The following RIC1 variants were observed in gnomAD, a reference collection of about 807,000 sequenced individuals.
RIC1 encodes guanine nucleotide exchange factor subunit RIC1.
Under a neutral mutation model 169.0 loss-of-function variants are expected in RIC1, and 88 were observed. That is an observed-to-expected ratio of 0.52 (90% CI 0.44 to 0.62). The LOEUF is 0.62. Ranked by LOEUF, RIC1 falls within the 20% of genes least tolerant of loss-of-function variation. The pLI is 0.00. For missense variants in RIC1, 1,877 were observed against 1,725.5 expected, an observed-to-expected ratio of 1.09 and a Z score of -1.56; for synonymous variants, 790 against 601.5, an observed-to-expected ratio of 1.31 and a Z score of -4.59.
In RIC1 at chr9:5,656,673, AC is replaced by A; in HGVS notation, c.237del (p.Met80Ter). 1 of 1,598,172 alleles carries A rather than the reference AC, an allele frequency of 6.3e-7. No homozygotes were observed. The highest frequency in any genetic ancestry group is 8.6e-7 in the Non-Finnish European group (1 of 1,168,064). ...YKQAEWRPDS[T>X]MIAVSTANGY... ...GCAAGCTGAATGGAGGCCAGATAGTACCATGATAGCTGTATCAGTAAGTAGA... is the reference window on the plus strand; with the variant it reads ...GCAAGCTGAATGGAGGCCAGATAGTACATGATAGCTGTATCAGTAAGTAGA... On this transcript the variant is annotated frameshift_variant, in exon 2 of 26. Transcript: ENST00000414202. LOFTEE classifies it high-confidence loss of function.
intron 14 of RIC1, 69 bp downstream of exon 14, chr9:5,753,715 A>G (rs1041870093): frequency 3.8e-5 from 26 of 692,762 alleles, no homozygotes; most frequent in Non-Finnish European, 5.6e-5. Flanking sequence ...AAATAGCTAT[A>G]AAGTTTATCA....
intron 7 of RIC1, among the ~76,000 whole-genome samples, chr9:5,738,197 T>G (rs1220699741): frequency 6.6e-6 from 1 of 152,192 alleles, no homozygotes; most frequent in Non-Finnish European, 1.5e-5. Context: ...TTTTAAAAAT[T>G]ATCACAATAG....
Position 5,774,317 on chromosome 9 carries a change from T to C in RIC1, c.*71T>C. On this transcript the variant is annotated 3_prime_UTR_variant, in exon 26 of 26. Coordinates refer to ENST00000414202, the MANE Select transcript of RIC1 (RefSeq NM_020829.4). ...TGCAGCTCAGTACGTTGTAACATAGTTGGATGATTTAACAGGAGAACTCAG... is the reference window on the plus strand; with the variant it reads ...TGCAGCTCAGTACGTTGTAACATAGCTGGATGATTTAACAGGAGAACTCAG... 1 of 1,334,412 alleles carries C rather than the reference T, an allele frequency of 7.5e-7. No individual in the cohort carries two copies. Among genetic ancestry groups the C allele is most frequent in the Non-Finnish European group, 1.0e-6 (1 of 981,404 alleles). 82.7% of individuals were successfully genotyped at this position (1,334,412 alleles called of 1,614,324 possible). A position where few individuals can be genotyped will look rare whatever the true frequency, so the allele number is the denominator to read the frequency against.
At chr9:5,675,022 A>G (rs1478875465) in intron 2 of RIC1, among the ~76,000 whole-genome samples, 1 of 152,220 alleles carries the variant, frequency 6.6e-6, no homozygotes, top group Non-Finnish European at 1.5e-5. Flanking sequence ...AAGGCAGTGT[A>G]CTTCTATAGA....
chr9:5,766,717 G>T (rs576489231), intron 21 of RIC1, among the ~76,000 whole-genome samples: 2 of 152,018 alleles, frequency 1.3e-5, no homozygotes, highest in African/African-American at 2.4e-5. Flanking sequence ...TCATATATAC[G>T]TATATACAAG....
At chr9:5,717,930 A>G (rs1354525461) in intron 4 of RIC1, among the ~76,000 whole-genome samples, 1 of 151,830 alleles carries the variant, frequency 6.6e-6, no homozygotes, top group Non-Finnish European at 1.5e-5. Flanking sequence ...ACCTGAGGTC[A>G]GGAGTTCAAG....
chr9:5,665,898 A>G (rs562364441), intron 2 of RIC1, among the ~76,000 whole-genome samples: 12 of 152,272 alleles, frequency 7.9e-5, no homozygotes, highest in African/African-American at 2.6e-4. Flanking sequence ...GGGAGATGTC[A>G]CCCAGTCAGG....
chr9:5,661,759 G>T (rs1240553171), intron 2 of RIC1, among the ~76,000 whole-genome samples: 2 of 152,072 alleles, frequency 1.3e-5, no homozygotes, highest in Admixed American at 1.3e-4. Flanking sequence ...TCTAATATAG[G>T]ATCATGTCAT....
At chr9:5,637,609 C>G (rs1317273374) in intron 1 of RIC1, among the ~76,000 whole-genome samples, 1 of 152,208 alleles carries the variant, frequency 6.6e-6, no homozygotes, top group Non-Finnish European at 1.5e-5. Context: ...CCTATCCCCC[C>G]AGTTACCTTT....
Position 5,704,291 on chromosome 9 carries a change from T to C in RIC1, c.333-9605T>C, listed in dbSNP as rs146918799. Among the ~76,000 whole-genome samples, 1,195 of 151,804 alleles carry C rather than the reference T, an allele frequency of 7.9e-3. 16 individuals carry two copies. Among genetic ancestry groups the C allele is most frequent in the African/African-American group, 0.027 (1,116 of 41,418 alleles). On this transcript the variant is annotated intron_variant, in intron 3 of 25. Coordinates refer to ENST00000414202, the MANE Select transcript of RIC1 (RefSeq NM_020829.4). ...AGTGTCACAATCATAGCTCACTGCA[T>C]CCTTGATTTCTTGGGCTCAAGCAAT... is the stretch of plus-strand genomic sequence containing the variant.
Position 5,668,435 on chromosome 9 carries a change from G to C in RIC1, c.252+11745G>C, listed in dbSNP as rs140013576. On this transcript the variant is annotated intron_variant, in intron 2 of 25. Transcript: ENST00000414202. The stretch of plus-strand genomic sequence containing the variant: ...AGTTTATCCTTTTTGGAATTTCTTG[G>C]ATTTGTATATTCACGGATTTCATTA... 2.2e-4 allele frequency among the ~76,000 whole-genome samples: 33 copies of C among 152,208 alleles called. No homozygotes were observed. In the East Asian group the frequency reaches 3.5e-3, roughly 16 times the overall value.
At chr9:5,709,071 TA>T (rs2130807866) in intron 3 of RIC1, among the ~76,000 whole-genome samples, 1 of 152,294 alleles carries the variant, frequency 6.6e-6, no homozygotes, top group South Asian at 2.1e-4. Flanking sequence ...CAGCATAGCT[TA>T]AATCATCACA....
Position 5,747,539 on chromosome 9 carries a change from T to C in RIC1, c.1452+34T>C, listed in dbSNP as rs757046382. ...TTAGTTACTGATTACTAGAGACTTATTCTTTGATAGGATATCACCTGGAAC... is the reference window on the plus strand; with the variant it reads ...TTAGTTACTGATTACTAGAGACTTACTCTTTGATAGGATATCACCTGGAAC... On this transcript the variant is annotated intron_variant, in intron 12 of 25. Transcript: ENST00000414202. The C allele has an allele frequency of 3.3e-6, 5 of 1,523,446 alleles. No homozygotes were observed. In the South Asian group the frequency reaches 3.4e-5, roughly 10 times the overall value. The allele number at this position is 1,523,446 out of a possible 1,614,324, so 94.4% of individuals were successfully genotyped here. A position where few individuals can be genotyped will look rare whatever the true frequency, so the allele number is the denominator to read the frequency against.
At position 5,629,124 on chromosome 9, in the gene RIC1, C is replaced by T. The variant is rs974958621; in HGVS notation, c.-186C>T. On this transcript the variant is annotated 5_prime_UTR_variant, in exon 1 of 26. Transcript: ENST00000414202. ...CCTCCCCCACACTCGGCCCCGTCAG[C>T]TTGGGGGTGCCTTCGTCGCGCAGCC... The T allele has an allele frequency of 9.4e-6, 4 of 423,820 alleles. No homozygotes were observed. Among genetic ancestry groups the T allele is most frequent in the Non-Finnish European group, 1.2e-5 (3 of 259,272 alleles). The allele number at this position is 423,820 out of a possible 1,614,324, so 26.3% of individuals were successfully genotyped here. A position where few individuals can be genotyped will look rare whatever the true frequency, so the allele number is the denominator to read the frequency against.
intron 3 of RIC1, among the ~76,000 whole-genome samples, chr9:5,709,703 G>A (rs1247771532): frequency 6.6e-6 from 1 of 152,012 alleles, no homozygotes; most frequent in African/African-American, 2.4e-5. Flanking sequence ...TCAAATTATA[G>A]TTGAATTCTA....
intron 4 of RIC1, among the ~76,000 whole-genome samples, chr9:5,717,420 A>G (rs1406164515): frequency 6.6e-6 from 1 of 152,152 alleles, no homozygotes; most frequent in Non-Finnish European, 1.5e-5. Flanking sequence ...ACTCTGCTAA[A>G]TTGCCTCTCT....
intron 2 of RIC1, among the ~76,000 whole-genome samples, chr9:5,671,286 T>C (rs975819773): frequency 6.6e-6 from 1 of 151,240 alleles, no homozygotes; most frequent in South Asian, 2.1e-4. Context: ...TTTTTTTTTT[T>C]TGAGACGGCA....
At chr9:5,753,711 C>G in intron 14 of RIC1, 65 bp downstream of exon 14, 1 of 727,052 alleles carries the variant, frequency 1.4e-6, no homozygotes. Context: ...TATGAAATAG[C>G]TATAAAGTTT....
intron 12 of RIC1, 78 bp downstream of exon 12, chr9:5,747,583 T>C (rs1825457340): frequency 1.6e-6 from 2 of 1,285,868 alleles, no homozygotes; most frequent in East Asian, 2.3e-5. Flanking sequence ...AAATATTTCA[T>C]CTGTTAACTT....
Sources: allele counts gnomAD v4.1 joint callset (sites outside exome capture counted in the v4.1 genomes callset), GRCh38; gene constraint gnomAD v4.1.1; transcripts MANE v1.5; gene names NCBI Gene and HGNC (gene_info 2026-07-23, HGNC 2026-07-21).